NBEAL2: variants seen among roughly 807,000 people sequenced by gnomAD.
NBEAL2 encodes the protein neurobeachin like 2.
A neutral mutation model predicts 299.8 loss-of-function variants in NBEAL2; 160 were observed. The observed-to-expected ratio is 0.53, with a 90% CI of 0.47 to 0.61. The LOEUF is 0.61. NBEAL2 is among the 20% of genes least tolerant of loss of function. NBEAL2 has a pLI of 0.00. For synonymous variants in NBEAL2, 1,493 were observed against 1,542.3 expected, an observed-to-expected ratio of 0.97 and a Z score of 0.75; for missense variants, 3,112 against 3,649.0, an observed-to-expected ratio of 0.85 and a Z score of 3.79.
Position 47,006,376 on chromosome 3 carries a change from G to A in NBEAL2, c.7061G>A (p.Arg2354His), listed in dbSNP as rs371473167. 13 of 1,595,086 alleles carry A rather than the reference G, an allele frequency of 8.2e-6. No homozygotes were observed. In the Admixed American group the frequency reaches 1.1e-4, roughly 13 times the overall value. ...CTCTCAGCTGAGGAAGCAGCCCATC[G>A]CCTTGCACGCCTGGACACTAACTCA... ...TRLSAEEAAHRLARLDTNSPS... is the reference protein window; with the variant it reads ...TRLSAEEAAHHLARLDTNSPS... The change falls in exon 45 of 54, where the codon CGC (arginine) becomes CAC (histidine). Residue 2354 changes from arginine (R) to histidine (H), a missense_variant. Physicochemically the swap from Arg to His is conservative, Grantham distance 29. This residue lies in a region of NBEAL2 where 521 missense variants were observed against 729.6 expected (regional missense o/e 0.71). Transcript: ENST00000450053.
intron 1 of NBEAL2, among the ~76,000 whole-genome samples, chr3:46,984,022 C>G (rs1038743788): frequency 6.6e-6 from 1 of 151,832 alleles, no homozygotes; most frequent in African/African-American, 2.4e-5. Flanking sequence ...AAATAGTGTC[C>G]AGGCGCGGTG....
intron 24 of NBEAL2, 46 bp downstream of exon 24, chr3:46,999,163 C>T (rs1479947324): frequency 7.1e-6 from 11 of 1,547,882 alleles, no homozygotes; most frequent in Middle Eastern, 3.4e-4. Context: ...TCACTGGGGC[C>T]CCTGCCTGGG....
At position 47,001,048 on chromosome 3, in the gene NBEAL2, C is replaced by T. The variant is rs1238790830; in HGVS notation, c.4353C>T (p.Phe1451=). Residue 1451 remains phenylalanine, a synonymous_variant, in exon 28 of 54, where the codon TTC becomes TTT. Transcript: ENST00000450053. This position sits in a 1 kb window ranked among gnomAD's most constrained non-coding sequence, Gnocchi z 6.1. ...GCAATCTGCTCACCAACGTGCTGTT[C>T]TCGGTGACGTGGCGTGGCGTGGAAG... is the stretch of plus-strand genomic sequence containing the variant. ...ELCNLLTNVL[F]SVTWRGVEGS... is the part of the protein sequence containing the mutation. The T allele has an allele frequency of 6.2e-7, 1 of 1,612,482 alleles. No individual in the cohort carries two copies. The highest frequency in any genetic ancestry group is 8.5e-7 in the Non-Finnish European group (1 of 1,179,426).
In NBEAL2 at chr3:47,002,688, G is replaced by A. The variant is rs773719587; in HGVS notation, c.5345G>A (p.Gly1782Glu). Reference protein sequence around the residue: ...EPAQRRARLEGLRYTAVLKQQ... With the variant: ...EPAQRRARLEELRYTAVLKQQ... ...GCGCAGAGGCGGGCGCGCCTGGAGG[G>A]GCTACGCTACACGGCAGTGCTGAAG... is the stretch of plus-strand genomic sequence containing the variant. Residue 1782 changes from glycine to glutamate, a missense_variant, in exon 33 of 54, where the codon GGG (glycine) becomes GAG (glutamate). Gly to Glu is a moderately conservative substitution (Grantham distance 98). Transcript: ENST00000450053. 12 of 1,604,858 alleles carry A rather than the reference G, an allele frequency of 7.5e-6. No individual in the cohort carries two copies. Among genetic ancestry groups the A allele is most frequent in the Non-Finnish European group, 1.0e-5 (12 of 1,177,454 alleles).
rs749891226 is a variant in NBEAL2, at chr3:46,989,483, C to T, written c.474-28C>T. 2 of 1,575,158 alleles carry T rather than the reference C, an allele frequency of 1.3e-6. No homozygotes were observed. Among genetic ancestry groups the T allele is most frequent in the South Asian group, 2.3e-5 (2 of 85,866 alleles). On this transcript the variant is annotated intron_variant, in intron 5 of 53. Transcript: ENST00000450053. This position sits in a 1 kb window ranked among gnomAD's most constrained non-coding sequence, Gnocchi z 5.5. ...ACGGCCAGGAGTGGTGAGAGCCGGG[C>T]TGATGTACTTGGCCTCACTGCCCCC... is the stretch of plus-strand genomic sequence containing the variant.
In NBEAL2 at chr3:47,002,047, C is replaced by G; in HGVS notation, c.4910C>G (p.Ser1637Cys). The G allele has an allele frequency of 6.4e-7, 1 of 1,558,486 alleles. No individual in the cohort carries two copies. Among genetic ancestry groups the G allele is most frequent in the Non-Finnish European group, 8.7e-7 (1 of 1,151,522 alleles). ...AALGRVLNTS[S>C]LESATDEAGS... ...CTGGGGCGGGTGCTGAACACCTCTT[C>G]CTTGGAGTCAGCCACTGATGAGGCA... Residue 1637 changes from serine to cysteine, a missense_variant, in exon 31 of 54, where the codon TCC (serine) becomes TGC (cysteine). By Grantham distance (112) the Ser-to-Cys change is moderately radical. Transcript: ENST00000450053.
chr3:46,994,290 C>T (rs1294320498), intron 11 of NBEAL2, among the ~76,000 whole-genome samples, 165 bp from the exon 12 acceptor site: 1 of 152,108 alleles, frequency 6.6e-6, no homozygotes, highest in Middle Eastern at 3.2e-3. Flanking sequence ...GTACTCACGT[C>T]CCCCCCATCC....
Position 47,001,706 on chromosome 3 carries a change from C to T in NBEAL2, c.4662C>T (p.Cys1554=). ...TGTGGCAGCTCTTTGAAGGTGTATG[C>T]AGCCTACTTGATCGCCTGGGAGCCT... The part of the protein sequence containing the change: ...LWSEKLFEGV[C]SLLDRLGAWP... The change falls in exon 30 of 54, where the codon TGC becomes TGT. Residue 1554 remains cysteine, a synonymous_variant. Transcript: ENST00000450053. The surrounding 1 kb of genome is among the most constrained non-coding windows in gnomAD (Gnocchi z 6.1). The T allele has an allele frequency of 1.9e-6, 3 of 1,613,796 alleles. No homozygotes were observed. The highest frequency in any genetic ancestry group is 2.5e-6 in the Non-Finnish European group (3 of 1,179,832).
At chr3:46,983,003 G>A (rs571442303) in intron 1 of NBEAL2, among the ~76,000 whole-genome samples, 2 of 152,306 alleles carry the variant, frequency 1.3e-5, no homozygotes, top group Admixed American at 1.3e-4. Context: ...CGGAGCAGCA[G>A]TGATGTTCAG....
chr3:47,005,271 C>T lies in NBEAL2; in HGVS notation c.6510C>T (p.Leu2170=), dbSNP rs1026907746. ...YSNAAGVMHY[L]IRVEPFTSLH... ...ATGCAGCAGGCGTGATGCACTACCT[C>T]ATCCGCGTGGAGCCCTTCACCTCCC... Residue 2170 remains leucine, a synonymous_variant, in exon 40 of 54, where the codon CTC becomes CTT. Transcript: ENST00000450053. 6.2e-7 allele frequency: 1 copy of T among 1,613,404 alleles called. No homozygotes were observed. Among genetic ancestry groups the T allele is most frequent in the Non-Finnish European group, 8.5e-7 (1 of 1,179,868 alleles).
chr3:46,988,071 G>A lies in NBEAL2; in HGVS notation c.52-598G>A. 2 of 1,237,194 alleles carry A rather than the reference G, an allele frequency of 1.6e-6. No individual in the cohort carries two copies. The highest frequency in any genetic ancestry group is 2.1e-6 in the Non-Finnish European group (2 of 964,390). 76.6% of individuals were successfully genotyped at this position (1,237,194 alleles called of 1,614,324 possible). On this transcript the variant is annotated intron_variant, in intron 1 of 53. Transcript: ENST00000450053. The surrounding 1 kb of genome is among the most constrained non-coding windows in gnomAD (Gnocchi z 4.4). ...CCATGGAACCAGCTCTGGGGCCTGG[G>A]GTCCAGGTAACCAGCAAGGGTGGGT... is the stretch of plus-strand genomic sequence containing the variant.
At chr3:46,994,949 T>C (rs1237664434) in intron 12 of NBEAL2, 83 bp from the exon 13 acceptor site, 1 of 1,464,926 alleles carries the variant, frequency 6.8e-7, no homozygotes. Context: ...ACTGCTGCCG[T>C]AGGCAAGTAA....
In NBEAL2 at chr3:47,006,368, A is replaced by G; in HGVS notation, c.7053A>G (p.Ala2351=). 1 of 1,596,738 alleles carries G rather than the reference A, an allele frequency of 6.3e-7. No homozygotes were observed. Among genetic ancestry groups the G allele is most frequent in the Non-Finnish European group, 8.5e-7 (1 of 1,171,828 alleles). ...PHPTRLSAEE[A]AHRLARLDTN... is the part of the protein sequence containing the mutation. ...CAACTCGGCTCTCAGCTGAGGAAGCAGCCCATCGCCTTGCACGCCTGGACA... is the reference window on the plus strand; with the variant it reads ...CAACTCGGCTCTCAGCTGAGGAAGCGGCCCATCGCCTTGCACGCCTGGACA... Residue 2351 remains alanine (A), a synonymous_variant, in exon 45 of 54, where the codon GCA becomes GCG. Coordinates refer to ENST00000450053, the MANE Select transcript of NBEAL2 (RefSeq NM_015175.3).
chr3:46,988,001 T>C lies in NBEAL2; in HGVS notation c.52-668T>C. 1 of 1,277,444 alleles carries C rather than the reference T, an allele frequency of 7.8e-7. No individual in the cohort carries two copies. Among genetic ancestry groups the C allele is most frequent in the African/African-American group, 1.5e-5 (1 of 64,594 alleles). 79.1% of individuals were successfully genotyped at this position (1,277,444 alleles called of 1,614,324 possible). The stretch of plus-strand genomic sequence containing the variant: ...GACATTTCCCGTTCACACCAAAGTT[T>C]TCCTGGCAGCGCCTAGACCTGGGCT... On this transcript the variant is annotated intron_variant, in intron 1 of 53. Transcript: ENST00000450053. The surrounding 1 kb of genome is among the most constrained non-coding windows in gnomAD (Gnocchi z 4.4).
At chr3:46,998,045 T>C in intron 20 of NBEAL2, 22 bp from the exon 21 acceptor site, 1 of 1,550,634 alleles carries the variant, frequency 6.4e-7, no homozygotes, top group Non-Finnish European at 8.7e-7. Flanking sequence ...GAGCCCTCAC[T>C]CCAGCTCCTG....
In NBEAL2 at chr3:47,009,128, A is replaced by AGGATGGG. The variant is rs777187028; in HGVS notation, c.8163+6_8163+12dup. 18 of 702,962 alleles carry AGGATGGG rather than the reference A, an allele frequency of 2.6e-5. No individual in the cohort carries two copies. Among genetic ancestry groups the AGGATGGG allele is most frequent in the Middle Eastern group, 2.9e-4 (1 of 3,464 alleles). The allele number at this position is 702,962 out of a possible 1,614,324, so 43.5% of individuals were successfully genotyped here. A position where few individuals can be genotyped will look rare whatever the true frequency, so the allele number is the denominator to read the frequency against. Reference sequence around the variant, plus strand: ...GGTCGCGGGGCAGCCCTCTGAGGTGAGGATGGGGCGGGGGTGGGGAGGCCC... The same window carrying AGGATGGG: ...GGTCGCGGGGCAGCCCTCTGAGGTGAGGATGGGGGATGGGGCGGGGGTGGGGAGGCCC... On this transcript the variant is annotated splice_donor_region_variant and intron_variant, in intron 53 of 53. Coordinates refer to ENST00000450053, the MANE Select transcript of NBEAL2 (RefSeq NM_015175.3).
intron 9 of NBEAL2, among the ~76,000 whole-genome samples, chr3:46,992,212 G>C (rs2036149067): frequency 6.6e-6 from 1 of 152,140 alleles, no homozygotes; most frequent in Non-Finnish European, 1.5e-5. Context: ...GAGCTGCTCT[G>C]GTGCCTTGTT....
intron 18 of NBEAL2, 70 bp downstream of exon 18, chr3:46,997,116 C>T: frequency 3.2e-6 from 5 of 1,558,174 alleles, no homozygotes; most frequent in East Asian, 4.5e-5. Flanking sequence ...TCGGAGTCAG[C>T]TGGGGAGCAG....
At chr3:46,984,811 C>T (rs1389044680) in intron 1 of NBEAL2, among the ~76,000 whole-genome samples, 1 of 152,158 alleles carries the variant, frequency 6.6e-6, no homozygotes, top group Non-Finnish European at 1.5e-5. Flanking sequence ...TACTGTCACT[C>T]ACAGAGGGGG....
Sources: allele counts gnomAD v4.1 joint callset (sites outside exome capture counted in the v4.1 genomes callset), GRCh38; gene constraint gnomAD v4.1.1; regional missense constraint gnomAD v4.1.1; non-coding constraint Gnocchi (gnomAD v3.1); transcripts MANE v1.5; gene names NCBI Gene and HGNC (gene_info 2026-07-23, HGNC 2026-07-21).